WDR72: variants seen among roughly 807,000 people sequenced by gnomAD.
WDR72 encodes WD repeat domain 72, also known as WD repeat-containing protein 72.
A neutral mutation model predicts 124.2 loss-of-function variants in WDR72; 120 were observed. The observed-to-expected ratio is 0.97, with a 90% confidence interval of 0.83 to 1.12. The LOEUF (loss-of-function observed/expected upper bound fraction) is 1.12, where lower values mean the gene tolerates loss of function less well. Among genes scored for constraint, WDR72 ranks in the 50% most tolerant of loss-of-function variants. The probability of loss-of-function intolerance (pLI) is 0.00; values close to 1 mark genes in which losing one functional copy is unlikely to be tolerated. For missense variants in WDR72, 1,387 were observed against 1,278.8 expected, an observed-to-expected ratio of 1.08 and a Z score of -1.29; for synonymous variants, 452 against 441.7, an observed-to-expected ratio of 1.02 and a Z score of -0.29.
chr15:53,650,252 G>A (rs181612751), intron 14 of WDR72, among the ~76,000 whole-genome samples: 2 of 152,160 alleles, frequency 1.3e-5, no homozygotes, highest in East Asian at 1.9e-4. Flanking sequence ...TCATAGAATC[G>A]AAGAGTGGAA....
chr15:53,649,763 T>G (rs768366326), intron 14 of WDR72, among the ~76,000 whole-genome samples: 2 of 152,082 alleles, frequency 1.3e-5, no homozygotes, highest in East Asian at 3.8e-4. Context: ...ATGGCTATTA[T>G]TAAATGAAAA....
intron 14 of WDR72, among the ~76,000 whole-genome samples, chr15:53,635,700 G>T (rs550502365): frequency 1.3e-5 from 2 of 152,242 alleles, no homozygotes; most frequent in Non-Finnish European, 2.9e-5. Context: ...GGGGGATGGA[G>T]GGAGATGGGG....
At chr15:53,729,717 C>T (rs149603280) in intron 2 of WDR72, among the ~76,000 whole-genome samples, 19 of 152,200 alleles carry the variant, frequency 1.2e-4, no homozygotes, top group African/African-American at 4.6e-4. Flanking sequence ...CTTTAGAACT[C>T]AGCTCAAGCA....
At chr15:53,523,168 C>G (rs1477639323) in intron 19 of WDR72, 50 bp downstream of exon 19, 1 of 1,564,770 alleles carries the variant, frequency 6.4e-7, no homozygotes, top group Non-Finnish European at 8.8e-7. Context: ...GACCCCAAAG[C>G]TGTGTCAAAT....
At chr15:53,706,156 T>C in intron 9 of WDR72, 82 bp from the exon 10 acceptor site, 1 of 1,388,042 alleles carries the variant, frequency 7.2e-7, no homozygotes, top group South Asian at 1.2e-5. Flanking sequence ...GAAACAAGAC[T>C]TAATAACTGA....
intron 1 of WDR72, among the ~76,000 whole-genome samples, chr15:53,735,004 G>C (rs1047430006): frequency 2.4e-4 from 36 of 152,006 alleles, no homozygotes; most frequent in African/African-American, 8.7e-4. Flanking sequence ...ACCATGACAA[G>C]TGTTAATGGC....
At chr15:53,533,338 C>T (rs1430676334) in intron 18 of WDR72, among the ~76,000 whole-genome samples, 2 of 151,504 alleles carry the variant, frequency 1.3e-5, no homozygotes, top group Non-Finnish European at 2.9e-5. Flanking sequence ...GTTATATATA[C>T]CTATGACTGT....
At chr15:53,538,166 T>A (rs541262073) in intron 18 of WDR72, among the ~76,000 whole-genome samples, 1 of 152,200 alleles carries the variant, frequency 6.6e-6, no homozygotes, top group African/African-American at 2.4e-5. Flanking sequence ...ATACTTTACA[T>A]ATATATTAGC....
rs1243870525 is a variant in WDR72, at chr15:53,516,560, C to T, written c.*1139G>A. The T allele has an allele frequency of 6.6e-6, 1 of 151,496 alleles. No individual in the cohort carries two copies. The highest frequency in any genetic ancestry group is 2.4e-5 in the African/African-American group (1 of 41,244). 9.4% of individuals were successfully genotyped at this position (151,496 alleles called of 1,614,324 possible). ...TTATATAGTTCTCTTTTCTAATTTC[C>T]CCCTCTCCTGTCCACTGCATCCCAC... On this transcript the variant is annotated 3_prime_UTR_variant, in exon 20 of 20. Coordinates refer to ENST00000360509, the MANE Select transcript of WDR72 (RefSeq NM_182758.4).
chr15:53,648,244 A>G (rs552096903), intron 14 of WDR72, among the ~76,000 whole-genome samples: 1 of 152,272 alleles, frequency 6.6e-6, no homozygotes, highest in South Asian at 2.1e-4. Flanking sequence ...TGTGTTCTTT[A>G]AATAGCAATT....
intron 1 of WDR72, among the ~76,000 whole-genome samples, chr15:53,758,906 C>G (rs142188693): frequency 6.6e-6 from 1 of 151,946 alleles, no homozygotes; most frequent in East Asian, 1.9e-4. Context: ...TAAGTCAGCA[C>G]CAGTTTCCAA....
At chr15:53,573,161 T>C (rs1380051860) in intron 18 of WDR72, among the ~76,000 whole-genome samples, 1 of 152,198 alleles carries the variant, frequency 6.6e-6, no homozygotes, top group Admixed American at 6.5e-5. Context: ...GTGATTTAAC[T>C]TTGTTCCTCT....
intron 1 of WDR72, among the ~76,000 whole-genome samples, chr15:53,751,590 G>A (rs547888522): frequency 2.0e-5 from 3 of 152,214 alleles, no homozygotes; most frequent in South Asian, 4.1e-4. Flanking sequence ...TATTAGAGAC[G>A]CTTGGAATCA....
At chr15:53,656,906 G>T (rs2015438474) in intron 14 of WDR72, among the ~76,000 whole-genome samples, 2 of 151,948 alleles carry the variant, frequency 1.3e-5, no homozygotes, top group Non-Finnish European at 2.9e-5. Context: ...GGTGGGATAG[G>T]GTCATCTTTT....
intron 13 of WDR72, among the ~76,000 whole-genome samples, chr15:53,691,412 A>G (rs1464243590): frequency 2.0e-5 from 3 of 152,176 alleles, no homozygotes; most frequent in Non-Finnish European, 4.4e-5. Flanking sequence ...AGTTCCTTAT[A>G]CATTCTGGGT....
chr15:53,757,325 A>C (rs1027771095), intron 1 of WDR72, among the ~76,000 whole-genome samples: 1 of 152,198 alleles, frequency 6.6e-6, no homozygotes, highest in African/African-American at 2.4e-5. Context: ...ATGTAGCGAT[A>C]GAATTATTCC....
intron 1 of WDR72, among the ~76,000 whole-genome samples, chr15:53,744,521 T>C (rs1272589662): frequency 2.6e-5 from 4 of 152,148 alleles, no homozygotes; most frequent in Non-Finnish European, 1.5e-5. Flanking sequence ...TATTTTGAAA[T>C]AGAAATAGCA....
chr15:53,621,338 C>A (rs1024332957), intron 14 of WDR72, among the ~76,000 whole-genome samples: 1 of 151,118 alleles, frequency 6.6e-6, no homozygotes, highest in Non-Finnish European at 1.5e-5. Context: ...AAAATACTTG[C>A]ACAACTATGT....
chr15:53,726,157 T>C (rs940824063), intron 2 of WDR72, among the ~76,000 whole-genome samples: 3 of 149,396 alleles, frequency 2.0e-5, no homozygotes, highest in African/African-American at 2.5e-5. Flanking sequence ...TGCTTGATGA[T>C]ATGTAAGTTA....
Sources: gnomAD v4.1 joint callset for allele counts (sites outside exome capture counted in the v4.1 genomes callset) on GRCh38, gnomAD v4.1.1 for gene constraint, MANE v1.5 for transcripts, NCBI Gene and HGNC (gene_info 2026-07-23, HGNC 2026-07-21) for gene names.